Variants in UNC79 observed in about 807,000 individuals in gnomAD.
The protein encoded by UNC79 is unc-79 subunit of NALCN channel complex.
A neutral mutation model predicts 283.1 loss-of-function variants in UNC79; 37 were observed. That is an observed-to-expected ratio of 0.13 (90% CI 0.10 to 0.17). UNC79 has a LOEUF of 0.17. Among genes scored for constraint, UNC79 ranks in the 10% least tolerant of loss-of-function variants. The pLI is 1.00. For synonymous variants in UNC79, 1,107 were observed against 1,200.2 expected, an observed-to-expected ratio of 0.92 and a Z score of 1.61; for missense variants, 2,272 against 3,211.1, an observed-to-expected ratio of 0.71 and a Z score of 7.07.
chr14:93,440,280 T>C (rs552301764), intron 1 of UNC79, among the ~76,000 whole-genome samples: 4 of 152,240 alleles, frequency 2.6e-5, no homozygotes, highest in Admixed American at 2.6e-4. Context: ...TGGTGGATAC[T>C]GAGGGATGAC....
intron 1 of UNC79, among the ~76,000 whole-genome samples, chr14:93,462,794 C>T (rs1439202719): frequency 6.6e-6 from 1 of 152,064 alleles, no homozygotes; most frequent in Non-Finnish European, 1.5e-5. Context: ...GTGGGTTACA[C>T]AGATGGTGGA....
intron 7 of UNC79, among the ~76,000 whole-genome samples, chr14:93,498,948 T>A (rs1283897352): frequency 6.6e-6 from 1 of 152,208 alleles, no homozygotes; most frequent in Non-Finnish European, 1.5e-5. Context: ...ACACTGATGT[T>A]CTGAGAATCT....
At chr14:93,363,661 A>G (rs2054269488) in intron 1 of UNC79, among the ~76,000 whole-genome samples, 1 of 152,126 alleles carries the variant, frequency 6.6e-6, no homozygotes, top group Non-Finnish European at 1.5e-5. Context: ...TTGGGTGAAC[A>G]TATATTTAGG....
intron 7 of UNC79, among the ~76,000 whole-genome samples, chr14:93,520,196 T>G (rs1481936789): frequency 6.6e-6 from 1 of 151,964 alleles, no homozygotes; most frequent in Non-Finnish European, 1.5e-5. Flanking sequence ...GTTGACAGTT[T>G]TTTTCTTTCA....
At chr14:93,497,318 C>T in intron 7 of UNC79, 32 bp downstream of exon 7, 1 of 1,601,812 alleles carries the variant, frequency 6.2e-7, no homozygotes, top group South Asian at 1.1e-5. Flanking sequence ...GATGCCCCAT[C>T]TGTATTTCTC....
intron 14 of UNC79, among the ~76,000 whole-genome samples, chr14:93,570,065 G>A (rs2063125686): frequency 6.6e-6 from 1 of 152,110 alleles, no homozygotes; most frequent in Admixed American, 6.6e-5. Flanking sequence ...TCCCACTTCA[G>A]CCTCCCAAGT....
At chr14:93,646,883 C>T (rs1256546445) in intron 35 of UNC79, among the ~76,000 whole-genome samples, 1 of 152,106 alleles carries the variant, frequency 6.6e-6, no homozygotes, top group East Asian at 1.9e-4. Context: ...AGCTTGTGCA[C>T]CACGGAGGGA....
At chr14:93,682,627 C>G (rs1211610936) in exon 42 of UNC79, 2 of 1,613,684 alleles carry the variant, frequency 1.2e-6, no homozygotes, top group Admixed American at 3.3e-5. Flanking sequence ...TTTATTTGTG[C>G]AGATGCTGGA....
intron 1 of UNC79, among the ~76,000 whole-genome samples, chr14:93,462,004 AC>A (rs1174983495): frequency 4.6e-5 from 7 of 151,938 alleles, no homozygotes; most frequent in African/African-American, 1.7e-4. Context: ...AAAAACAAAA[AC>A]CGGTGTTAAG....
chr14:93,371,607 G>A (rs1037663224), intron 1 of UNC79, among the ~76,000 whole-genome samples: 2 of 152,086 alleles, frequency 1.3e-5, no homozygotes, highest in Non-Finnish European at 2.9e-5. Context: ...TTGGGAGGCC[G>A]AGGCGGGTGG....
At chr14:93,467,334 C>T (rs888257438) in intron 1 of UNC79, among the ~76,000 whole-genome samples, 3 of 151,966 alleles carry the variant, frequency 2.0e-5, no homozygotes, top group Non-Finnish European at 2.9e-5. Flanking sequence ...AATAAGCCAA[C>T]TTGGGGGTGA....
intron 5 of UNC79, among the ~76,000 whole-genome samples, chr14:93,492,902 A>G (rs1358171183): frequency 6.6e-6 from 1 of 152,254 alleles, no homozygotes; most frequent in Non-Finnish European, 1.5e-5. Context: ...GTCACTGAGT[A>G]TCCACCATGT....
intron 38 of UNC79, among the ~76,000 whole-genome samples, chr14:93,658,004 A>T (rs2071140735): frequency 6.6e-6 from 1 of 152,134 alleles, no homozygotes; most frequent in Non-Finnish European, 1.5e-5. Context: ...ATGAGCAGCC[A>T]GTTTTCAGCC....
chr14:93,393,724 A>G (rs1414837274), intron 1 of UNC79, among the ~76,000 whole-genome samples: 2 of 152,146 alleles, frequency 1.3e-5, no homozygotes, highest in Admixed American at 6.6e-5. Flanking sequence ...AAAAAGCCAT[A>G]CCATTATTAG....
intron 1 of UNC79, among the ~76,000 whole-genome samples, chr14:93,388,832 G>T (rs1161158061): frequency 6.6e-6 from 1 of 152,082 alleles, no homozygotes; most frequent in Non-Finnish European, 1.5e-5. Flanking sequence ...CTTTGTAGTG[G>T]AACAGTTGGA....
intron 33 of UNC79, among the ~76,000 whole-genome samples, chr14:93,642,153 G>A (rs1035267100): frequency 4.6e-5 from 7 of 152,054 alleles, no homozygotes; most frequent in Admixed American, 6.5e-5. Flanking sequence ...GGCCAGGCGC[G>A]GTGGCTCATG....
chr14:93,463,820 T>C (rs983380027), intron 1 of UNC79, among the ~76,000 whole-genome samples: 1 of 152,154 alleles, frequency 6.6e-6, no homozygotes, highest in African/African-American at 2.4e-5. Context: ...CAGAACTGTT[T>C]GATTTCAGAG....
chr14:93,656,378 G>A (rs2140374627), intron 38 of UNC79, among the ~76,000 whole-genome samples: 1 of 152,274 alleles, frequency 6.6e-6, no homozygotes, highest in East Asian at 1.9e-4. Context: ...GCAGAGGTAG[G>A]GGGATCGCTT....
At chr14:93,419,982 A>T (rs1185383898) in intron 1 of UNC79, among the ~76,000 whole-genome samples, 1 of 151,614 alleles carries the variant, frequency 6.6e-6, no homozygotes, top group African/African-American at 2.4e-5. Flanking sequence ...TTAAAAACTA[A>T]AATAAGTAAA....
Sources: gnomAD v4.1 joint callset for allele counts (sites outside exome capture counted in the v4.1 genomes callset) on GRCh38, gnomAD v4.1.1 for gene constraint, MANE v1.5 for transcripts, NCBI Gene and HGNC (gene_info 2026-07-23, HGNC 2026-07-21) for gene names.